The following KHDC1 variants were observed in gnomAD, a reference collection of about 807,000 sequenced individuals.
KHDC1 encodes the protein KH homology domain-containing protein 1.
KHDC1 carries 21 observed loss-of-function variants against 24.7 expected under a neutral mutation model. That is an observed-to-expected ratio of 0.85 (90% CI 0.60 to 1.23). The LOEUF is 1.23. Among genes scored for constraint, KHDC1 ranks in the 50% most tolerant of loss-of-function variants. The probability of loss-of-function intolerance (pLI) is 0.00; values close to 1 mark genes in which losing one functional copy is unlikely to be tolerated. For synonymous variants in KHDC1, 98 were observed against 111.7 expected (o/e 0.88, Z 0.77); for missense variants, 274 against 298.5 (o/e 0.92, Z 0.61).
chr6:73,259,343 A>G (rs1222617761), intron 2 of KHDC1, among the ~76,000 whole-genome samples: 1 of 128,704 alleles, frequency 7.8e-6, no homozygotes, highest in East Asian at 2.3e-4. Flanking sequence ...GCTGGAGTGC[A>G]GTGGCTATTC....
At chr6:73,280,222 T>C (rs1767378127) in intron 2 of KHDC1, among the ~76,000 whole-genome samples, 1 of 152,160 alleles carries the variant, frequency 6.6e-6, no homozygotes, top group Non-Finnish European at 1.5e-5. Context: ...AATGGCACAA[T>C]CACAACTCAC....
chr6:73,245,925 G>A (rs1310913520), intron 2 of KHDC1, among the ~76,000 whole-genome samples: 2 of 152,172 alleles, frequency 1.3e-5, no homozygotes, highest in African/African-American at 2.4e-5. Flanking sequence ...CCATCAGTAT[G>A]GCAACTGCTT....
At chr6:73,258,061 G>C (rs976574907) in intron 2 of KHDC1, among the ~76,000 whole-genome samples, 1 of 152,156 alleles carries the variant, frequency 6.6e-6, no homozygotes, top group Admixed American at 6.5e-5. Context: ...TTCGAGACCA[G>C]CCTGGCCAAC....
In KHDC1 at chr6:73,247,855, CAAA is replaced by C. The variant is rs60650206; in HGVS notation, c.207-5328_207-5326del. Among the ~76,000 whole-genome samples, 164 of 89,526 alleles carry C rather than the reference CAAA, an allele frequency of 1.8e-3. 1 individual carries two copies. The highest frequency in any genetic ancestry group is 6.4e-3 in the African/African-American group (160 of 24,974). The allele number at this position is 89,526 out of a possible 152,430, so 58.7% of individuals were successfully genotyped here. A position where few individuals can be genotyped will look rare whatever the true frequency, so the allele number is the denominator to read the frequency against. ...TGGGAAATAGAGCAAGACTCTGTCT[CAAA>C]AAAAAAAAAAAAAAAAGAGAGAGAG... On this transcript the variant is annotated intron_variant, in intron 2 of 4. Transcript: ENST00000370384.
chr6:73,300,196 T>C (rs1767848639), intron 1 of KHDC1: 2 of 152,292 alleles, frequency 1.3e-5, no homozygotes, highest in African/African-American at 4.8e-5. Flanking sequence ...CAAGGCAGTG[T>C]CACTCTTCAG....
At chr6:73,284,217 G>A (rs1383680867) in intron 2 of KHDC1, among the ~76,000 whole-genome samples, 1 of 152,142 alleles carries the variant, frequency 6.6e-6, no homozygotes, top group East Asian at 1.9e-4. Flanking sequence ...CATAGTTTTT[G>A]TAATCCCTTA....
exon 5 of KHDC1, chr6:73,241,568 A>C: frequency 6.2e-7 from 1 of 1,614,142 alleles, no homozygotes; most frequent in Non-Finnish European, 8.5e-7. Flanking sequence ...CCGAACAACC[A>C]ATCACTTGGT....
chr6:73,309,917 C>T (rs1045544775), exon 1 of KHDC1: 1 of 543,440 alleles, frequency 1.8e-6, no homozygotes, highest in Admixed American at 4.0e-5. Context: ...CGCGCCACCG[C>T]GAGAAGTGGG....
chr6:73,280,277 C>A (rs900268883), intron 2 of KHDC1, among the ~76,000 whole-genome samples: 3 of 152,110 alleles, frequency 2.0e-5, no homozygotes, highest in Non-Finnish European at 2.9e-5. Context: ...CCCATCTCAG[C>A]CTTCCAAGTA....
At chr6:73,249,156 C>T (rs1186692046) in intron 2 of KHDC1, among the ~76,000 whole-genome samples, 2 of 151,784 alleles carry the variant, frequency 1.3e-5, no homozygotes, top group Admixed American at 1.3e-4. Context: ...TAAAAAAATC[C>T]AGCTCACCAG....
intron 2 of KHDC1, among the ~76,000 whole-genome samples, chr6:73,289,610 A>C (rs1346304825): frequency 1.3e-5 from 2 of 151,940 alleles, no homozygotes; most frequent in Non-Finnish European, 2.9e-5. Flanking sequence ...TGATCACGCC[A>C]CTGCACTCCA....
intron 1 of KHDC1, chr6:73,299,194 G>T (rs978087514): frequency 6.6e-6 from 1 of 152,350 alleles, no homozygotes; most frequent in African/African-American, 2.4e-5. Flanking sequence ...GACCAGCACG[G>T]GGGAGGGCCT....
intron 2 of KHDC1, among the ~76,000 whole-genome samples, chr6:73,252,287 G>A (rs1168973050): frequency 1.3e-5 from 2 of 151,930 alleles, no homozygotes; most frequent in East Asian, 3.9e-4. Flanking sequence ...CAAGCAATCT[G>A]CCCTCGTCGA....
rs535150387 is a variant in KHDC1 at position 73,267,265 on chromosome 6, A to G, written c.206+24733T>C. Among the ~76,000 whole-genome samples, 5 of 152,334 alleles carry G rather than the reference A, an allele frequency of 3.3e-5. No individual in the cohort carries two copies. The East Asian group carries it at 7.7e-4, about 24-fold the overall frequency. On this transcript the variant is annotated intron_variant, in intron 2 of 4. Coordinates refer to ENST00000370384, the Ensembl canonical transcript of KHDC1. ...GAGGCCAAGGCAGGTGGATCACCTAAGGTCAGGAGTTCAAGACCAGCCTGG... is the reference window on the plus strand; with the variant it reads ...GAGGCCAAGGCAGGTGGATCACCTAGGGTCAGGAGTTCAAGACCAGCCTGG...
chr6:73,279,227 C>G (rs1194460871), intron 2 of KHDC1, among the ~76,000 whole-genome samples: 1 of 152,110 alleles, frequency 6.6e-6, no homozygotes, highest in African/African-American at 2.4e-5. Context: ...GCCAACGTGA[C>G]GAAACCCCGT....
chr6:73,261,717 G>T (rs576548021), intron 2 of KHDC1, among the ~76,000 whole-genome samples: 1 of 151,934 alleles, frequency 6.6e-6, no homozygotes, highest in South Asian at 2.1e-4. Flanking sequence ...TTTGAAACCA[G>T]CCTGGCCAAG....
chr6:73,267,255 G>A (rs2150584493), intron 2 of KHDC1, among the ~76,000 whole-genome samples: 1 of 152,240 alleles, frequency 6.6e-6, no homozygotes, highest in Non-Finnish European at 1.5e-5. Context: ...CAAGGCAGGT[G>A]GATCACCTAA....
At chr6:73,290,526 TAACAAG>T in intron 2 of KHDC1, 1 of 414,728 alleles carries the variant, frequency 2.4e-6, no homozygotes, top group Admixed American at 3.1e-5. Flanking sequence ...TTTTTTTTTC[TAACAAG>T]ATCCAAAGTC....
intron 2 of KHDC1, chr6:73,276,244 T>C (rs1275845318): frequency 2.0e-5 from 3 of 152,096 alleles, no homozygotes; most frequent in African/African-American, 7.3e-5. Flanking sequence ...CCTAGCACTT[T>C]GGGAGGCTGA....
Sources: allele counts gnomAD v4.1 joint callset (sites outside exome capture counted in the v4.1 genomes callset), GRCh38; gene constraint gnomAD v4.1.1; transcripts MANE v1.5; gene names NCBI Gene and HGNC (gene_info 2026-07-23, HGNC 2026-07-21).